Variants in ZAP70 observed in about 807,000 individuals in gnomAD.
The protein encoded by ZAP70 is zeta chain of T cell receptor associated protein kinase 70.
In ZAP70, 27 loss-of-function variants were observed where a neutral mutation model predicts 65.8. The observed-to-expected ratio is 0.41, with a 90% confidence interval of 0.30 to 0.57. The LOEUF (loss-of-function observed/expected upper bound fraction) is 0.57, where lower values mean the gene tolerates loss of function less well. Ranked by LOEUF, ZAP70 falls within the 20% of genes least tolerant of loss-of-function variation. The pLI is 0.28. For synonymous variants in ZAP70, 363 were observed against 360.8 expected, an observed-to-expected ratio of 1.01 and a Z score of -0.07; for missense variants, 696 against 870.5, an observed-to-expected ratio of 0.80 and a Z score of 2.52.
rs1357628018 is a variant in ZAP70, at chr2:97,724,424, A to T, written c.388A>T (p.Thr130Ser). The T allele has an allele frequency of 6.5e-7, 1 of 1,536,874 alleles. No homozygotes were observed. Among genetic ancestry groups the T allele is most frequent in the African/African-American group, 1.4e-5 (1 of 73,728 alleles). Reference sequence around the variant, plus strand: ...CATGGTGCGTGACTACGTGCGCCAGACGTGGAAGCTGGAGGTGAGAGCGCA... The same window carrying T: ...CATGGTGCGTGACTACGTGCGCCAGTCGTGGAAGCTGGAGGTGAGAGCGCA... ...DAMVRDYVRQTWKLEGEALEQ... is the reference protein window; with the variant it reads ...DAMVRDYVRQSWKLEGEALEQ... Residue 130 changes from threonine (T) to serine (S), a missense_variant, in exon 3 of 14, where the codon ACG becomes TCG. This residue lies in a region of ZAP70 where 551 missense variants were observed against 630.0 expected (regional missense o/e 0.87). Transcript: ENST00000264972.
chr2:97,727,567 C>G (rs1017889510), intron 4 of ZAP70, among the ~76,000 whole-genome samples: 18 of 152,210 alleles, frequency 1.2e-4, no homozygotes, highest in African/African-American at 4.3e-4. Context: ...CATGCTACCC[C>G]AGGTGCCTGA....
At chr2:97,722,271 G>A (rs1038357612) in intron 2 of ZAP70, among the ~76,000 whole-genome samples, 84 of 151,578 alleles carry the variant, frequency 5.5e-4, no homozygotes, top group African/African-American at 1.6e-3. Flanking sequence ...TGGTGGAGAC[G>A]GGGTTTCACC....
chr2:97,734,846 G>T, intron 9 of ZAP70, 134 bp downstream of exon 9: 1 of 1,236,304 alleles, frequency 8.1e-7, no homozygotes, highest in South Asian at 1.3e-5. Context: ...GGGGCAGGAC[G>T]TTGCACGCTG....
intron 4 of ZAP70, among the ~76,000 whole-genome samples, chr2:97,728,197 C>A (rs1218101331): frequency 6.6e-6 from 1 of 152,206 alleles, no homozygotes. Context: ...AGAGCCAGGG[C>A]CAACAGCTTT....
In ZAP70 at chr2:97,737,885, G is replaced by A; in HGVS notation, c.1611G>A (p.Gln537=). 6.2e-7 allele frequency: 1 copy of A among 1,614,166 alleles called. No individual in the cohort carries two copies. The highest frequency in any genetic ancestry group is 1.1e-5 in the South Asian group (1 of 91,092). ...TGTGGGAGGCCTTGTCCTACGGCCA[G>A]AAGCCCTACAAGGCAGGCGCGGGCA... The part of the protein sequence containing the change: ...VTMWEALSYG[Q]KPYKKMKGPE... Residue 537 remains glutamine (Q), a synonymous_variant, in exon 12 of 14, where the codon CAG becomes CAA. Coordinates refer to ENST00000264972, the MANE Select transcript of ZAP70 (RefSeq NM_001079.4). The surrounding 1 kb of genome is among the most constrained non-coding windows in gnomAD (Gnocchi z 5.0).
Position 97,735,473 on chromosome 2 carries a change from C to T in ZAP70, c.1289+17C>T. On this transcript the variant is annotated intron_variant, in intron 10 of 13. Transcript: ENST00000264972. ...CGGCAAGAGGTGAGCACCGGGTGGG[C>T]CCGGCCATCGGGTGGGTGGGGCCGG... 6.2e-7 allele frequency: 1 copy of T among 1,601,632 alleles called. No homozygotes were observed. Among genetic ancestry groups the T allele is most frequent in the Non-Finnish European group, 8.5e-7 (1 of 1,172,234 alleles).
rs200758703 is a variant in ZAP70 at position 97,737,715 on chromosome 2, G to C, written c.1483-42G>C. 399 of 1,614,110 alleles carry C rather than the reference G, an allele frequency of 2.5e-4. 7 individuals are homozygous for C. The South Asian group carries it at 3.4e-3, about 14-fold the overall frequency. ...CGACTGGATGGGCTGGGTGGGTAGA[G>C]GGTCCCTGACCCCTGATCCAGCAGC... On this transcript the variant is annotated intron_variant, in intron 11 of 13. Transcript: ENST00000264972. This position sits in a 1 kb window ranked among gnomAD's most constrained non-coding sequence, Gnocchi z 5.0.
chr2:97,739,261 G>T, intron 13 of ZAP70, 114 bp from the exon 14 acceptor site: 1 of 1,520,828 alleles, frequency 6.6e-7, no homozygotes, highest in South Asian at 1.3e-5. Context: ...CAGCCCTGCT[G>T]ACTTTCTGAG....
At chr2:97,746,071 A>C in the ZAP70 span, among the ~76,000 whole-genome samples, 3 of 152,226 alleles carry the variant, frequency 2.0e-5, no homozygotes, top group Admixed American at 2.0e-4. Context: ...CCAGACACAA[A>C]AGGACAAACA....
At position 97,724,053 on chromosome 2, in the gene ZAP70, C is replaced by T. The variant is rs765386540; in HGVS notation, c.17C>T (p.Ala6Val). ...CCAGGGGCGATGCCAGACCCCGCGGCGCACCTGCCCTTCTTCTACGGCAGC... is the reference window on the plus strand; with the variant it reads ...CCAGGGGCGATGCCAGACCCCGCGGTGCACCTGCCCTTCTTCTACGGCAGC... Reference protein sequence around the residue: MPDPAAHLPFFYGSIS... With the variant: MPDPAVHLPFFYGSIS... The change falls in exon 3 of 14, where the codon GCG (alanine) becomes GTG (valine). Residue 6 changes from alanine (A) to valine (V), a missense_variant. Ala to Val is a moderately conservative substitution (Grantham distance 64, BLOSUM62 0). Coordinates refer to ENST00000264972, the MANE Select transcript of ZAP70 (RefSeq NM_001079.4). The T allele has an allele frequency of 1.1e-5, 17 of 1,553,972 alleles. No homozygotes were observed. In the East Asian group the frequency reaches 1.7e-4, roughly 15 times the overall value.
chr2:97,724,295 T>C lies in ZAP70; in HGVS notation c.259T>C (p.Tyr87His), dbSNP rs1229106707. Residue 87 changes from tyrosine (Y) to histidine (H), a missense_variant, in exon 3 of 14, where the codon TAC becomes CAC. Physicochemically the swap from Tyr to His is moderately conservative, Grantham distance 83. This residue lies in a region of ZAP70 where 551 missense variants were observed against 630.0 expected (regional missense o/e 0.87). Transcript: ENST00000264972. The stretch of plus-strand genomic sequence containing the variant: ...TGGACCGGCAGAGCTCTGCGAGTTC[T>C]ACTCGCGCGACCCCGACGGGCTGCC... ...HCGPAELCEF[Y>H]SRDPDGLPCN... 6.3e-7 allele frequency: 1 copy of C among 1,595,130 alleles called. No individual in the cohort carries two copies. Among genetic ancestry groups the C allele is most frequent in the Non-Finnish European group, 8.5e-7 (1 of 1,172,722 alleles).
rs3192177 is a variant in ZAP70, at chr2:97,738,048, G to A, written c.1677G>A (p.Glu559=). ...MAFIEQGKRM[E]CPPECPPELY... ...TCATCGAGCAGGGCAAGCGGATGGAGTGCCCACCAGAGTGTCCACCCGAAC... is the reference window on the plus strand; with the variant it reads ...TCATCGAGCAGGGCAAGCGGATGGAATGCCCACCAGAGTGTCCACCCGAAC... The change falls in exon 13 of 14, where the codon GAG becomes GAA. Residue 559 remains glutamate, a synonymous_variant. Transcript: ENST00000264972. 517,357 of 1,611,638 alleles carry A rather than the reference G, an allele frequency of 0.32. 91,892 individuals carry two copies. Among genetic ancestry groups the A allele is most frequent in the Non-Finnish European group, 0.36 (425,420 of 1,178,710 alleles).
intron 13 of ZAP70, among the ~76,000 whole-genome samples, chr2:97,739,089 C>CAA (rs1170926407): frequency 1.3e-5 from 2 of 152,148 alleles, no homozygotes; most frequent in Non-Finnish European, 2.9e-5. Flanking sequence ...ACTCTGACAC[C>CAA]AAGTCCACTC....
downstream of ZAP70, among the ~76,000 whole-genome samples, chr2:97,741,844 T>A (rs1048986473): frequency 6.6e-6 from 1 of 152,200 alleles, no homozygotes; most frequent in African/African-American, 2.4e-5. Context: ...CAGACGTGTG[T>A]CATGAGGCAC....
At chr2:97,734,188 C>A (rs551521668) in intron 8 of ZAP70, 41 of 414,460 alleles carry the variant, frequency 9.9e-5, no homozygotes, top group East Asian at 1.5e-4. Flanking sequence ...GTGCTGCATA[C>A]GCAGACAGGG....
Position 97,715,987 on chromosome 2 carries a change from A to C in ZAP70, c.-22+1993A>C, listed in dbSNP as rs1342387240. On this transcript the variant is annotated intron_variant, in intron 2 of 13. Coordinates refer to ENST00000264972, the MANE Select transcript of ZAP70 (RefSeq NM_001079.4). This position sits in a 1 kb window ranked among gnomAD's most constrained non-coding sequence, Gnocchi z 4.1. ...TGGTGAGGGACTGAGGAGCAGAGAC[A>C]GAGGCCATCAGGGCTGTGATGTGGG... Among the ~76,000 whole-genome samples, 2 of 152,188 alleles carry C rather than the reference A, an allele frequency of 1.3e-5. No homozygotes were observed. Among genetic ancestry groups the C allele is most frequent in the East Asian group, 3.9e-4 (2 of 5,186 alleles).
At chr2:97,732,591 G>T (rs1573277537) in intron 4 of ZAP70, 2 of 512,584 alleles carry the variant, frequency 3.9e-6, no homozygotes, top group South Asian at 4.1e-5. Flanking sequence ...CCGTGGCTGG[G>T]TGTCCACCGT....
intron 2 of ZAP70, among the ~76,000 whole-genome samples, chr2:97,721,867 A>G (rs1195250987): frequency 6.7e-6 from 1 of 148,838 alleles, no homozygotes; most frequent in Admixed American, 6.7e-5. Context: ...GCTCACTGCA[A>G]CCTCCGCCTC....
At chr2:97,752,946 G>C in the ZAP70 span, among the ~76,000 whole-genome samples, 1 of 152,264 alleles carries the variant, frequency 6.6e-6, no homozygotes, top group East Asian at 1.9e-4. Context: ...CTACTCAAAG[G>C]CATCTCTAAC....
Sources: gnomAD v4.1 joint callset for allele counts (sites outside exome capture counted in the v4.1 genomes callset) on GRCh38, gnomAD v4.1.1 for gene constraint, gnomAD v4.1.1 regional missense constraint, Gnocchi (gnomAD v3.1) non-coding constraint, MANE v1.5 for transcripts, NCBI Gene and HGNC (gene_info 2026-07-23, HGNC 2026-07-21) for gene names.